The following PAH variants were observed in gnomAD, a reference collection of about 807,000 sequenced individuals.
The protein encoded by PAH is phenylalanine hydroxylase.
A neutral mutation model predicts 62.0 loss-of-function variants in PAH; 64 were observed. The ratio of observed to expected loss-of-function variants is 1.03; its 90% confidence interval spans 0.84 to 1.27. The LOEUF (loss-of-function observed/expected upper bound fraction) is 1.27, where lower values mean the gene tolerates loss of function less well. Among genes scored for constraint, PAH ranks in the 50% most tolerant of loss-of-function variants. The probability of loss-of-function intolerance (pLI) is 0.00; values close to 1 mark genes in which losing one functional copy is unlikely to be tolerated. For synonymous variants in PAH, 195 were observed against 196.2 expected (o/e 0.99, Z 0.05); for missense variants, 579 against 542.8 (o/e 1.07, Z -0.66).
chr12:102,844,347 C>A lies in PAH; in HGVS notation c.1054G>T (p.Gly352Cys), dbSNP rs62508686. 1 of 1,611,198 alleles carries A rather than the reference C, an allele frequency of 6.2e-7. No individual in the cohort carries two copies. The change falls in exon 10 of 13, where the codon GGT (glycine) becomes TGT (cysteine). Residue 352 changes from glycine to cysteine, a missense_variant. Coordinates refer to ENST00000553106, the MANE Select transcript of PAH (RefSeq NM_000277.3). ...TGTGAAGGTCATACCTGTAATTCACCAAAGGATGACAGGAGCCCAGCACCA... is the reference window on the plus strand; with the variant it reads ...TGTGAAGGTCATACCTGTAATTCACAAAAGGATGACAGGAGCCCAGCACCA... ...AYGAGLLSSFGELQYCLSEKP... is the reference protein window; with the variant it reads ...AYGAGLLSSFCELQYCLSEKP...
upstream of PAH, chr12:102,953,302 A>AT (rs1879823329): frequency 3.3e-5 from 5 of 152,244 alleles, no homozygotes; most frequent in Non-Finnish European, 7.3e-5. Flanking sequence ...AGTTAAAAAT[A>AT]TAACTTTATT....
intron 1 of PAH, 113 bp from the exon 2 acceptor site, chr12:102,913,011 A>T (rs1878263304): frequency 9.6e-6 from 7 of 731,000 alleles, no homozygotes; most frequent in South Asian, 4.3e-5. Context: ...TAAATCTTGC[A>T]ATACAATGAG....
intron 5 of PAH, among the ~76,000 whole-genome samples, chr12:102,856,164 T>C (rs1875418837): frequency 6.6e-6 from 1 of 151,436 alleles, no homozygotes; most frequent in South Asian, 2.1e-4. Context: ...TGCTAAGGTA[T>C]AAAATGCCTC....
intron 2 of PAH, 79 bp downstream of exon 2, chr12:102,912,712 T>C (rs1031082431): frequency 1.9e-6 from 2 of 1,032,398 alleles, no homozygotes; most frequent in African/African-American, 3.1e-5. Flanking sequence ...TCCTGTGTTC[T>C]TTTCATTGCA....
At chr12:102,921,181 G>A, upstream of PAH, among the ~76,000 whole-genome samples, 1 of 152,154 alleles carries the variant, frequency 6.6e-6, no homozygotes, top group East Asian at 1.9e-4. Flanking sequence ...CTAATATGTG[G>A]TATTCTCCAA....
At chr12:102,936,680 G>A (rs753987562) in intron 1 of PAH, among the ~76,000 whole-genome samples, 3 of 152,024 alleles carry the variant, frequency 2.0e-5, no homozygotes, top group Non-Finnish European at 4.4e-5. Context: ...AATATATTTT[G>A]TCTAAATGTA....
Position 102,840,402 on chromosome 12 carries a change from T to C in PAH, c.1313A>G (p.Asn438Ser). The C allele has an allele frequency of 6.2e-7, 1 of 1,603,820 alleles. No homozygotes were observed. The highest frequency in any genetic ancestry group is 1.1e-5 in the South Asian group (1 of 90,866). Residue 438 changes from asparagine (N) to serine (S), a missense_variant and splice_region_variant, in exon 12 of 13, where the codon AAC becomes AGC. Coordinates refer to ENST00000553106, the MANE Select transcript of PAH (RefSeq NM_000277.3). Reference sequence around the variant, plus strand: ...CTCGTAAGGTGTAAATTACTTACTGTTAATGGAATCAGCCAAAATCTTAAG... The same window carrying C: ...CTCGTAAGGTGTAAATTACTTACTGCTAATGGAATCAGCCAAAATCTTAAG... ...QQLKILADSI[N>S]SEIGILCSAL...
chr12:102,868,088 G>GTATA (rs1318440704), intron 4 of PAH, among the ~76,000 whole-genome samples: 1 of 45,256 alleles, frequency 2.2e-5, no homozygotes, highest in Non-Finnish European at 4.5e-5. Context: ...ATGTGTGTGT[G>GTATA]TATATATATA....
Position 102,935,847 on chromosome 12 carries a change from G to C in PAH, c.-96+14742C>G, listed in dbSNP as rs1025730433. Among the ~76,000 whole-genome samples, 3 of 151,228 alleles carry C rather than the reference G, an allele frequency of 2.0e-5. 1 individual carries two copies. Among genetic ancestry groups the C allele is most frequent in the Non-Finnish European group, 1.5e-5 (1 of 67,712 alleles). ...TACCTTTTCAAAAAACCAACTTTTT[G>C]TTATGTTGATCTGTTGTATTGTTTT... is the stretch of plus-strand genomic sequence containing the variant. On this transcript the variant is annotated intron_variant, in intron 1 of 3. Coordinates refer to the PAH transcript ENST00000546844.
chr12:102,856,783 G>A (rs998409877), intron 5 of PAH, among the ~76,000 whole-genome samples: 14 of 152,226 alleles, frequency 9.2e-5, no homozygotes, highest in Non-Finnish European at 1.0e-4. Flanking sequence ...CTGACTGTTA[G>A]AAGGAAAACT....
intron 3 of PAH, among the ~76,000 whole-genome samples, chr12:102,887,827 C>T (rs1387140916): frequency 6.6e-6 from 1 of 152,136 alleles, no homozygotes; most frequent in African/African-American, 2.4e-5. Context: ...GCTCTTGACT[C>T]TAAATTCATG....
chr12:102,844,798 G>C (rs188456353), intron 9 of PAH, among the ~76,000 whole-genome samples: 200 of 152,248 alleles, frequency 1.3e-3, no homozygotes, highest in African/African-American at 4.6e-3. Context: ...CCACCACCCA[G>C]GGGTTCTCAG....
At chr12:102,853,377 A>C in intron 6 of PAH, 26 of 304,558 alleles carry the variant, frequency 8.5e-5, no homozygotes, top group South Asian at 2.5e-4. Flanking sequence ...AAGAGTATGG[A>C]TAGAGTGCTT....
At chr12:102,926,365 T>C (rs1156720694) in intron 1 of PAH, among the ~76,000 whole-genome samples, 1 of 151,842 alleles carries the variant, frequency 6.6e-6, no homozygotes. Context: ...AAATCTCTAA[T>C]ATATGAGTAA....
chr12:102,894,619 C>T, intron 3 of PAH, 116 bp downstream of exon 3: 1 of 827,680 alleles, frequency 1.2e-6, no homozygotes, highest in Non-Finnish European at 1.9e-6. Context: ...CGCAAAATAA[C>T]AGCAATATAT....
intron 4 of PAH, among the ~76,000 whole-genome samples, chr12:102,874,971 G>C (rs1160233412): frequency 6.6e-6 from 1 of 152,174 alleles, no homozygotes; most frequent in Non-Finnish European, 1.5e-5. Context: ...GGGTCCTTTC[G>C]AGAAGAACAC....
intron 4 of PAH, among the ~76,000 whole-genome samples, chr12:102,870,751 G>A (rs1206224271): frequency 2.0e-5 from 3 of 152,136 alleles, no homozygotes; most frequent in African/African-American, 7.2e-5. Context: ...AAGACAAAAG[G>A]TTCAAACTGG....
chr12:102,842,509 A>C (rs1475469621), intron 11 of PAH, among the ~76,000 whole-genome samples: 1 of 152,204 alleles, frequency 6.6e-6, no homozygotes, highest in East Asian at 1.9e-4. Flanking sequence ...AGGGTTCTCA[A>C]ACAAATGTTA....
At chr12:102,895,774 G>T (rs1377958103) in intron 2 of PAH, among the ~76,000 whole-genome samples, 1 of 149,766 alleles carries the variant, frequency 6.7e-6, no homozygotes, top group Non-Finnish European at 1.5e-5. Context: ...GGAATTGCTT[G>T]AACCACGGAG....
Sources: gnomAD v4.1 joint callset for allele counts (sites outside exome capture counted in the v4.1 genomes callset) on GRCh38, gnomAD v4.1.1 for gene constraint, MANE v1.5 for transcripts, NCBI Gene and HGNC (gene_info 2026-07-23, HGNC 2026-07-21) for gene names.